The following KRT80 variants were observed in gnomAD, a reference collection of about 807,000 sequenced individuals.
KRT80 encodes the protein keratin 80.
A neutral mutation model predicts 51.5 loss-of-function variants in KRT80; 36 were observed. That is an observed-to-expected ratio of 0.70 (90% CI 0.54 to 0.92). The LOEUF is 0.92. Among genes scored for constraint, KRT80 ranks in the 40% least tolerant of loss-of-function variants. The pLI, the probability that KRT80 is intolerant of heterozygous loss-of-function variation, is 0.00. For missense variants in KRT80, 566 were observed against 591.7 expected (o/e 0.96, Z 0.45); for synonymous variants, 235 against 248.3 (o/e 0.95, Z 0.50).
chr12:52,177,026 T>C (rs1288627499), intron 4 of KRT80, among the ~76,000 whole-genome samples: 1 of 152,212 alleles, frequency 6.6e-6, no homozygotes, highest in African/African-American at 2.4e-5. Context: ...TTGAGGCATA[T>C]AGAGATAAAA....
chr12:52,181,928 C>T (rs1250509833), intron 2 of KRT80, among the ~76,000 whole-genome samples: 3 of 152,218 alleles, frequency 2.0e-5, no homozygotes, highest in East Asian at 1.9e-4. Context: ...GCTCTAATTA[C>T]AGCCGCCTGC....
In KRT80 at chr12:52,191,878, C is replaced by A; in HGVS notation, c.25G>T (p.Gly9Cys). The A allele has an allele frequency of 6.6e-7, 1 of 1,507,232 alleles. No homozygotes were observed. The highest frequency in any genetic ancestry group is 8.9e-7 in the Non-Finnish European group (1 of 1,123,802). The allele number at this position is 1,507,232 out of a possible 1,614,324, so 93.4% of individuals were successfully genotyped here. A position where few individuals can be genotyped will look rare whatever the true frequency, so the allele number is the denominator to read the frequency against. Residue 9 changes from glycine to cysteine, a missense_variant, in exon 1 of 9, where the codon GGC (glycine) becomes TGC (cysteine). Gly to Cys is a radical substitution (Grantham distance 159, BLOSUM62 -3). Coordinates refer to ENST00000394815, the MANE Select transcript of KRT80 (RefSeq NM_182507.3). Reference sequence around the variant, plus strand: ...TCACAGCTGCTGAGGCTGCTGAAGCCAACCACGCAGGAGCGGCAGGCCATG... The same window carrying A: ...TCACAGCTGCTGAGGCTGCTGAAGCAAACCACGCAGGAGCGGCAGGCCATG... Reference protein sequence around the residue: MACRSCVVGFSSLSSCEVT... With the variant: MACRSCVVCFSSLSSCEVT...
intron 1 of KRT80, among the ~76,000 whole-genome samples, chr12:52,186,009 C>A (rs1941399258): frequency 6.6e-6 from 1 of 152,024 alleles, no homozygotes; most frequent in African/African-American, 2.4e-5. Flanking sequence ...GGAAACTCAG[C>A]AGGGTAGGGC....
rs145940332 is a variant in KRT80 at position 52,191,025 on chromosome 12, A to G, written c.300+578T>C. Among the ~76,000 whole-genome samples, 859 of 152,246 alleles carry G rather than the reference A, an allele frequency of 5.6e-3. 7 individuals are homozygous for G. Among genetic ancestry groups the G allele is most frequent in the African/African-American group, 0.02 (832 of 41,532 alleles). ...TGGCTTCCCTGTTCTGACTCGAGGC[A>G]TCGTCCCCTGCATTCCTATCTCCTG... On this transcript the variant is annotated intron_variant, in intron 1 of 8. Coordinates refer to ENST00000394815, the MANE Select transcript of KRT80 (RefSeq NM_182507.3).
intron 4 of KRT80, among the ~76,000 whole-genome samples, chr12:52,174,162 T>C (rs1316094775): frequency 6.6e-6 from 1 of 152,260 alleles, no homozygotes; most frequent in Non-Finnish European, 1.5e-5. Flanking sequence ...TACTGTTTCA[T>C]TATTCCTGTG....
rs1352297240 is a variant in KRT80 at position 52,169,810 on chromosome 12, G to A, written c.*1588C>T. ...AGCACCAATCAGCACCCTCTTTTGG[G>A]ACTTTGGGGATGAGAATCTCTGAGT... On this transcript the variant is annotated 3_prime_UTR_variant, in exon 9 of 9. Transcript: ENST00000394815. 1.3e-5 allele frequency: 2 copies of A among 152,254 alleles called. No homozygotes were observed. The highest frequency in any genetic ancestry group is 2.4e-5 in the African/African-American group (1 of 41,448). The allele number at this position is 152,254 out of a possible 1,614,324, so 9.4% of individuals were successfully genotyped here.
intron 4 of KRT80, among the ~76,000 whole-genome samples, chr12:52,175,313 T>C (rs1409354203): frequency 6.6e-6 from 1 of 152,168 alleles, no homozygotes; most frequent in Admixed American, 6.5e-5. Context: ...TGTGCCAATG[T>C]TCAACGTGCT....
At chr12:52,185,647 C>T (rs764762828) in intron 1 of KRT80, 60 bp from the exon 2 acceptor site, 21 of 1,568,350 alleles carry the variant, frequency 1.3e-5, no homozygotes, top group Middle Eastern at 1.7e-4. Context: ...GCTGAGGCCC[C>T]GGGCTGACCA....
chr12:52,187,475 C>T (rs117045956), intron 1 of KRT80, among the ~76,000 whole-genome samples: 398 of 152,340 alleles, frequency 2.6e-3, no homozygotes, highest in Middle Eastern at 0.01. Context: ...GGCTCCCGAA[C>T]GGTCAGGTGG....
chr12:52,171,666 C>T lies in KRT80; in HGVS notation c.1226G>A (p.Cys409Tyr). 1 of 1,585,160 alleles carries T rather than the reference C, an allele frequency of 6.3e-7. No homozygotes were observed. The highest frequency in any genetic ancestry group is 8.6e-7 in the Non-Finnish European group (1 of 1,166,180). Reference protein sequence around the residue: ...ATVVSAVQSRCKTAASRSGLS... With the variant: ...ATVVSAVQSRYKTAASRSGLS... ...GGGGCAAGAGGACTCACCGGTTTTGCACCTGGACTGCACAGCGCTGACCAC... is the reference window on the plus strand; with the variant it reads ...GGGGCAAGAGGACTCACCGGTTTTGTACCTGGACTGCACAGCGCTGACCAC... Residue 409 changes from cysteine to tyrosine, a missense_variant, in exon 8 of 9, where the codon TGC (cysteine) becomes TAC (tyrosine). Cys to Tyr is a radical substitution (Grantham distance 194, BLOSUM62 -2). Coordinates refer to ENST00000394815, the MANE Select transcript of KRT80 (RefSeq NM_182507.3).
chr12:52,172,803 C>G (rs905093033), intron 6 of KRT80, among the ~76,000 whole-genome samples: 1 of 152,146 alleles, frequency 6.6e-6, no homozygotes, highest in Non-Finnish European at 1.5e-5. Flanking sequence ...TGGGGGCTTT[C>G]TAACGTTCCA....
intron 2 of KRT80, 130 bp from the exon 3 acceptor site, chr12:52,181,093 C>T (rs1941314024): frequency 1.7e-6 from 1 of 592,776 alleles, no homozygotes; most frequent in Non-Finnish European, 2.8e-6. Context: ...AAAAGCAGCC[C>T]ATCCTTCTCC....
In KRT80 at chr12:52,191,712, AGG is replaced by A; in HGVS notation, c.189_190del (p.Leu64AlafsTer28). On this transcript the variant is annotated frameshift_variant, in exon 1 of 9. Coordinates refer to ENST00000394815, the MANE Select transcript of KRT80 (RefSeq NM_182507.3). LOFTEE classifies it high-confidence loss of function. ...CAACTTGACATCCAGGGGCACCAGC[AGG>A]CCGGGGTTCACAGTCACCTTGGAGA... The A allele has an allele frequency of 6.2e-7, 1 of 1,613,834 alleles. No homozygotes were observed. The highest frequency in any genetic ancestry group is 1.1e-5 in the South Asian group (1 of 91,064).
chr12:52,186,440 G>C (rs1355486362), intron 1 of KRT80, among the ~76,000 whole-genome samples: 1 of 152,188 alleles, frequency 6.6e-6, no homozygotes, highest in Non-Finnish European at 1.5e-5. Context: ...GGCCCCTGCT[G>C]TGTGCCAGGC....
At position 52,171,710 on chromosome 12, in the gene KRT80, C is replaced by T. The variant is rs770804000; in HGVS notation, c.1182G>A (p.Met394Ile). 27 of 1,167,190 alleles carry T rather than the reference C, an allele frequency of 2.3e-5. No homozygotes were observed. The Admixed American group carries it at 5.4e-4, about 24-fold the overall frequency. The allele number at this position is 1,167,190 out of a possible 1,614,324, so 72.3% of individuals were successfully genotyped here. ...TGACCACAGTGGCTGAGGGCGAGTC[C>T]ATCCTGGGGGTGGGGGACGGGGGGG... ...RKLVEGEEGR[M>I]DSPSATVVSA... Residue 394 changes from methionine (M) to isoleucine (I), a missense_variant, in exon 8 of 9, where the codon ATG becomes ATA. Met to Ile is a conservative substitution (Grantham distance 10, BLOSUM62 1). Coordinates refer to ENST00000394815, the MANE Select transcript of KRT80 (RefSeq NM_182507.3).
At chr12:52,174,701 G>A (rs1410356410) in intron 4 of KRT80, among the ~76,000 whole-genome samples, 1 of 152,240 alleles carries the variant, frequency 6.6e-6, no homozygotes, top group Non-Finnish European at 1.5e-5. Context: ...CGGAGCCCCT[G>A]TTGCTGCTGC....
At position 52,191,903 on chromosome 12, in the gene KRT80, G is replaced by T. The variant is rs1294822399; in HGVS notation, c.-1C>A. 7 of 1,465,786 alleles carry T rather than the reference G, an allele frequency of 4.8e-6. No homozygotes were observed. The highest frequency in any genetic ancestry group is 6.3e-6 in the Non-Finnish European group (7 of 1,106,690). The allele number at this position is 1,465,786 out of a possible 1,614,324, so 90.8% of individuals were successfully genotyped here. Reference sequence around the variant, plus strand: ...CAACCACGCAGGAGCGGCAGGCCATGGTGCCCCCGGCCGGAAGCAGGAGGG... The same window carrying T: ...CAACCACGCAGGAGCGGCAGGCCATTGTGCCCCCGGCCGGAAGCAGGAGGG... On this transcript the variant is annotated 5_prime_UTR_variant, in exon 1 of 9. Transcript: ENST00000394815.
chr12:52,175,280 A>T (rs528463233), intron 4 of KRT80, among the ~76,000 whole-genome samples: 34 of 152,106 alleles, frequency 2.2e-4, no homozygotes, highest in Non-Finnish European at 3.8e-4. Context: ...GAGTCCCCAC[A>T]GCTGGGTTTG....
At chr12:52,179,804 C>T (rs1336473047) in intron 4 of KRT80, among the ~76,000 whole-genome samples, 1 of 152,222 alleles carries the variant, frequency 6.6e-6, no homozygotes. Flanking sequence ...CTGCAGACCT[C>T]TGTGGAAGGG....
Sources: gnomAD v4.1 joint callset for allele counts (sites outside exome capture counted in the v4.1 genomes callset) on GRCh38, gnomAD v4.1.1 for gene constraint, MANE v1.5 for transcripts, NCBI Gene and HGNC (gene_info 2026-07-23, HGNC 2026-07-21) for gene names.